SPP2: variants seen among roughly 807,000 people sequenced by gnomAD.
SPP2 encodes secreted phosphoprotein 24.
SPP2 carries 34 observed loss-of-function variants against 28.8 expected under a neutral mutation model. The ratio of observed to expected loss-of-function variants is 1.18; its 90% CI spans 0.90 to 1.57. SPP2 has a LOEUF of 1.57. SPP2 is among the 40% of genes most tolerant of loss of function. The pLI, the probability that SPP2 is intolerant of heterozygous loss-of-function variation, is 0.00. For missense variants in SPP2, 269 were observed against 263.9 expected (o/e 1.02, Z -0.13); for synonymous variants, 96 against 89.4 (o/e 1.07, Z -0.42).
At position 234,073,182 on chromosome 2, in the gene SPP2, C is replaced by T. The variant is rs542095578; in HGVS notation, c.*10+3159C>T. 2.0e-5 allele frequency among the ~76,000 whole-genome samples: 3 copies of T among 152,352 alleles called. No homozygotes were observed. The South Asian group carries it at 6.2e-4, about 32-fold the overall frequency. On this transcript the variant is annotated intron_variant, in intron 7 of 7. Coordinates refer to ENST00000168148, the MANE Select transcript of SPP2 (RefSeq NM_006944.3). Reference sequence around the variant, plus strand: ...GGATTACAGGCATGAGCCACCACGCCTGGCCGACCATAAACTTCTTGAGGA... The same window carrying T: ...GGATTACAGGCATGAGCCACCACGCTTGGCCGACCATAAACTTCTTGAGGA...
At chr2:234,063,770 G>A (rs1693765565) in intron 4 of SPP2, among the ~76,000 whole-genome samples, 1 of 152,114 alleles carries the variant, frequency 6.6e-6, no homozygotes, top group Admixed American at 6.5e-5. Flanking sequence ...AGTTTCTAAT[G>A]AGTGAGCTTG....
chr2:234,069,536 A>G (rs542834043), intron 6 of SPP2, among the ~76,000 whole-genome samples: 1 of 152,342 alleles, frequency 6.6e-6, no homozygotes, highest in African/African-American at 2.4e-5. Flanking sequence ...TTGACACAGA[A>G]GTGCGGCTGT....
intron 2 of SPP2, 124 bp from the exon 3 acceptor site, chr2:234,058,712 T>C (rs1308716164): frequency 5.2e-6 from 6 of 1,143,932 alleles, no homozygotes; most frequent in Middle Eastern, 2.7e-4. Flanking sequence ...ATTGCTAAGA[T>C]AATTTATTGC....
Position 234,076,819 on chromosome 2 carries a change from C to T in SPP2, c.*11-26C>T, listed in dbSNP as rs549226359. 3.3e-5 allele frequency: 5 copies of T among 152,228 alleles called. No individual in the cohort carries two copies. In the South Asian group the frequency reaches 1.0e-3, roughly 32 times the overall value. 9.4% of individuals were successfully genotyped at this position (152,228 alleles called of 1,614,324 possible). On this transcript the variant is annotated intron_variant, in intron 7 of 7. Coordinates refer to ENST00000168148, the MANE Select transcript of SPP2 (RefSeq NM_006944.3). ...GGGGTTGTGTATCTGCTCCCCAGAC[C>T]CAGTTACCTGTTCTTCCTCCTGCAG...
intron 4 of SPP2, among the ~76,000 whole-genome samples, chr2:234,063,376 G>A (rs1247332284): frequency 6.6e-6 from 1 of 152,094 alleles, no homozygotes; most frequent in African/African-American, 2.4e-5. Context: ...GGAAGCCATG[G>A]CAAATAAGCC....
rs770888198 is a variant in SPP2 at position 234,051,001 on chromosome 2, C to T, written c.116C>T (p.Ser39Phe). 3 of 1,614,024 alleles carry T rather than the reference C, an allele frequency of 1.9e-6. No homozygotes were observed. The East Asian group carries it at 6.7e-5, about 36-fold the overall frequency. Residue 39 changes from serine to phenylalanine, a missense_variant, in exon 2 of 8, where the codon TCC becomes TTC. Coordinates refer to ENST00000168148, the MANE Select transcript of SPP2 (RefSeq NM_006944.3). ...CCAGTGTACGACTACGATCCATCCT[C>T]CTTAAGGGATGCCCTCAGTGCCTCT... The part of the protein sequence containing the change: ...GFPVYDYDPS[S>F]LRDALSASVV...
intron 2 of SPP2, among the ~76,000 whole-genome samples, chr2:234,058,108 A>G (rs2125454841): frequency 6.6e-6 from 1 of 152,250 alleles, no homozygotes; most frequent in South Asian, 2.1e-4. Context: ...ATTAATATAT[A>G]TTGTTGATTC....
rs756858234 is a variant in SPP2 at position 234,060,454 on chromosome 2, C to T, written c.419C>T (p.Thr140Met). ...GCTCGCTGCAGCTGGTCCTCCTCCA[C>T]GTCTGAGTCTTACAGCAGCGAAGAG... ...VHARCSWSSS[T>M]SESYSSEEMI... The change falls in exon 4 of 8, where the codon ACG becomes ATG. Residue 140 changes from threonine to methionine, a missense_variant. Transcript: ENST00000168148. 90 of 1,613,588 alleles carry T rather than the reference C, an allele frequency of 5.6e-5. No individual in the cohort carries two copies. Among genetic ancestry groups the T allele is most frequent in the East Asian group, 3.8e-4 (17 of 44,836 alleles).
At position 234,070,070 on chromosome 2, in the gene SPP2, C is replaced by T. The variant is rs2286699; in HGVS notation, c.*10+47C>T. The T allele has an allele frequency of 8.0e-5, 120 of 1,495,216 alleles. No individual in the cohort carries two copies. The East Asian group carries it at 2.2e-3, about 27-fold the overall frequency. The allele number at this position is 1,495,216 out of a possible 1,614,324, so 92.6% of individuals were successfully genotyped here. ...CAAGTGTATTTAGAAATAGAAGCTA[C>T]GTGGAGTGAACGCCTTAAAACTGCT... On this transcript the variant is annotated intron_variant, in intron 7 of 7. Transcript: ENST00000168148.
Position 234,051,075 on chromosome 2 carries a change from T to A in SPP2, c.190T>A (p.Phe64Ile). 1 of 1,613,904 alleles carries A rather than the reference T, an allele frequency of 6.2e-7. No homozygotes were observed. The highest frequency in any genetic ancestry group is 1.1e-5 in the South Asian group (1 of 91,074). ...QSLSPYLFRA[F>I]RSSLKRVEVL... Reference sequence around the variant, plus strand: ...ACTGAGTCCGTATCTGTTTCGGGCATTCAGAAGCTCATTAAAAAGAGTAAG... The same window carrying A: ...ACTGAGTCCGTATCTGTTTCGGGCAATCAGAAGCTCATTAAAAAGAGTAAG... Residue 64 changes from phenylalanine (F) to isoleucine (I), a missense_variant, in exon 2 of 8, where the codon TTC (phenylalanine) becomes ATC (isoleucine). Phe to Ile is a conservative substitution (Grantham distance 21). Transcript: ENST00000168148.
chr2:234,071,822 G>C (rs1690792617), intron 7 of SPP2, among the ~76,000 whole-genome samples: 2 of 152,182 alleles, frequency 1.3e-5, no homozygotes, highest in Non-Finnish European at 2.9e-5. Flanking sequence ...GACTAGTTCT[G>C]CCTCACCATT....
At chr2:234,056,420 C>G (rs1429628267) in intron 2 of SPP2, 1 of 152,168 alleles carries the variant, frequency 6.6e-6, no homozygotes, top group Non-Finnish European at 1.5e-5. Context: ...TTGAATTACA[C>G]AGAATAGAAA....
intron 2 of SPP2, among the ~76,000 whole-genome samples, chr2:234,056,827 A>C (rs1055577614): frequency 3.9e-5 from 6 of 152,044 alleles, no homozygotes; most frequent in African/African-American, 1.4e-4. Context: ...AGAAAATTCT[A>C]CTTTTATCAG....
intron 6 of SPP2, among the ~76,000 whole-genome samples, chr2:234,067,477 G>A (rs1693845149): frequency 6.6e-6 from 1 of 152,112 alleles, no homozygotes; most frequent in Non-Finnish European, 1.5e-5. Flanking sequence ...GGCACTAACT[G>A]ACTTAAAAGT....
chr2:234,053,324 T>C (rs181318457), intron 2 of SPP2, among the ~76,000 whole-genome samples: 1 of 152,204 alleles, frequency 6.6e-6, no homozygotes, highest in Non-Finnish European at 1.5e-5. Flanking sequence ...GTTTCACTTC[T>C]AAGAATATGT....
intron 7 of SPP2, among the ~76,000 whole-genome samples, 168 bp downstream of exon 7, chr2:234,070,191 C>T (rs973575859): frequency 1.3e-5 from 2 of 152,238 alleles, no homozygotes; most frequent in Non-Finnish European, 1.5e-5. Context: ...TCTTCAATCT[C>T]ATGCACCCTC....
At chr2:234,067,483 A>C (rs1051667979) in intron 6 of SPP2, among the ~76,000 whole-genome samples, 1 of 152,190 alleles carries the variant, frequency 6.6e-6, no homozygotes, top group Admixed American at 6.5e-5. Context: ...AACTGACTTA[A>C]AAGTTACCAA....
chr2:234,070,146 T>C, intron 7 of SPP2, 123 bp downstream of exon 7: 1 of 676,494 alleles, frequency 1.5e-6, no homozygotes, highest in South Asian at 1.7e-5. Context: ...TTTCGGCTTC[T>C]CTGACCTCCT....
At chr2:234,053,703 G>A (rs1025325317) in intron 2 of SPP2, among the ~76,000 whole-genome samples, 1 of 151,846 alleles carries the variant, frequency 6.6e-6, no homozygotes, top group African/African-American at 2.4e-5. Flanking sequence ...GAGGAGAAAG[G>A]AAAAATCCAC....
Sources: allele counts gnomAD v4.1 joint callset (sites outside exome capture counted in the v4.1 genomes callset), GRCh38; gene constraint gnomAD v4.1.1; transcripts MANE v1.5; gene names NCBI Gene and HGNC (gene_info 2026-07-23, HGNC 2026-07-21).